NNT: variants seen among roughly 807,000 people sequenced by gnomAD.
NNT encodes the protein NAD(P) transhydrogenase, mitochondrial.
In NNT, 50 loss-of-function variants were observed where a neutral mutation model predicts 104.8. The observed-to-expected ratio is 0.48, with a 90% CI of 0.38 to 0.60. NNT has a LOEUF of 0.60. NNT is among the 20% of genes least tolerant of loss of function. The pLI is 0.00. For missense variants in NNT, 1,131 were observed against 1,330.7 expected, an observed-to-expected ratio of 0.85 and a Z score of 2.33; for synonymous variants, 461 against 490.4, an observed-to-expected ratio of 0.94 and a Z score of 0.79.
In NNT at chr5:43,647,976, G is replaced by A. The variant is rs1018317486; in HGVS notation, c.1445-1171G>A. 7 of 547,474 alleles carry A rather than the reference G, an allele frequency of 1.3e-5. No homozygotes were observed. The African/African-American group carries it at 1.4e-4, about 11-fold the overall frequency. The allele number at this position is 547,474 out of a possible 1,614,324, so 33.9% of individuals were successfully genotyped here. On this transcript the variant is annotated intron_variant, in intron 10 of 21. Transcript: ENST00000344920. ...ACCTATGAAGACACTGAAGCACAGA[G>A]AGGTTAAGTAACTTGCCTGAGATGA...
At chr5:43,676,724 A>G (rs754401392) in intron 18 of NNT, among the ~76,000 whole-genome samples, 2 of 152,216 alleles carry the variant, frequency 1.3e-5, no homozygotes, top group Non-Finnish European at 2.9e-5. Context: ...GGCACTTTCC[A>G]TCTAGTGATT....
intron 16 of NNT, among the ~76,000 whole-genome samples, chr5:43,658,115 AC>A (rs1026686512): frequency 3.8e-4 from 58 of 152,324 alleles, no homozygotes; most frequent in African/African-American, 1.4e-3. Context: ...AGCCTGGGTG[AC>A]AAAGCAAGAC....
At chr5:43,660,630 C>T (rs2111974280) in intron 17 of NNT, among the ~76,000 whole-genome samples, 1 of 152,282 alleles carries the variant, frequency 6.6e-6, no homozygotes, top group African/African-American at 2.4e-5. Flanking sequence ...GCTCCACAGG[C>T]TTAACAGGAA....
In NNT at chr5:43,613,027, G is replaced by T. The variant is rs376701705; in HGVS notation, c.271G>T (p.Val91Leu). Reference sequence around the variant, plus strand: ...GGTCAAGCAGGGTTTTAATGTTGTCGTGGAATCGGGTGCGGGCGAAGCTTC... The same window carrying T: ...GGTCAAGCAGGGTTTTAATGTTGTCTTGGAATCGGGTGCGGGCGAAGCTTC... ...NLVKQGFNVVVESGAGEASKF... is the reference protein window; with the variant it reads ...NLVKQGFNVVLESGAGEASKF... The change falls in exon 3 of 22, where the codon GTG becomes TTG. Residue 91 changes from valine to leucine, a missense_variant. By Grantham distance (32) the Val-to-Leu change is conservative (BLOSUM62 1). Transcript: ENST00000344920. 6.2e-7 allele frequency: 1 copy of T among 1,614,114 alleles called. No homozygotes were observed. The highest frequency in any genetic ancestry group is 8.5e-7 in the Non-Finnish European group (1 of 1,180,014).
chr5:43,609,430 A>G, intron 2 of NNT, 84 bp downstream of exon 2: 1 of 1,300,800 alleles, frequency 7.7e-7, no homozygotes, highest in Admixed American at 2.0e-5. Context: ...AGGAAAAGCC[A>G]TGTAGTTTTA....
In NNT at chr5:43,609,169, G is replaced by C. The variant is rs530245543; in HGVS notation, c.-27G>C. On this transcript the variant is annotated 5_prime_UTR_variant, in exon 2 of 22. Transcript: ENST00000344920. The stretch of plus-strand genomic sequence containing the variant: ...GATTTGCCTTCAAGGAAACTGGGGA[G>C]TCAGAAAATTGGGAACTCATATCAA... 2 of 1,588,056 alleles carry C rather than the reference G, an allele frequency of 1.3e-6. No homozygotes were observed. Among genetic ancestry groups the C allele is most frequent in the East Asian group, 2.2e-5 (1 of 44,524 alleles).
rs553175378 is a variant in NNT at position 43,667,958 on chromosome 5, A to G, written c.2635-7553A>G. On this transcript the variant is annotated intron_variant, in intron 17 of 21. Coordinates refer to ENST00000344920, the MANE Select transcript of NNT (RefSeq NM_182977.3). ...GTTTCCTGACTTTTTACTGATCGCC[A>G]TTCTAACTGGTGTGAGATGGTATCT... 1.8e-3 allele frequency among the ~76,000 whole-genome samples: 281 copies of G among 152,316 alleles called. 2 individuals are homozygous for G. Among genetic ancestry groups the G allele is most frequent in the African/African-American group, 6.5e-3 (271 of 41,558 alleles).
intron 19 of NNT, among the ~76,000 whole-genome samples, chr5:43,678,811 CAG>C (rs1741556221): frequency 6.6e-6 from 1 of 152,174 alleles, no homozygotes; most frequent in Admixed American, 6.5e-5. Context: ...ATGATGAAAT[CAG>C]GGGGCTACCT....
chr5:43,618,862 G>A (rs1749921808), intron 4 of NNT, among the ~76,000 whole-genome samples, 170 bp from the exon 5 acceptor site: 1 of 152,148 alleles, frequency 6.6e-6, no homozygotes, highest in Admixed American at 6.5e-5. Context: ...CAAATTAAAG[G>A]AGCAAGTGTA....
chr5:43,649,006 A>G, intron 10 of NNT, 141 bp from the exon 11 acceptor site: 3 of 956,654 alleles, frequency 3.1e-6, no homozygotes, highest in South Asian at 1.6e-5. Flanking sequence ...CAACTGTCAA[A>G]TGTCTAAAAA....
At chr5:43,698,798 C>T (rs895125969) in intron 19 of NNT, among the ~76,000 whole-genome samples, 3 of 151,268 alleles carry the variant, frequency 2.0e-5, no homozygotes, top group African/African-American at 4.9e-5. Flanking sequence ...GAATATATTA[C>T]TATATGAATA....
intron 20 of NNT, among the ~76,000 whole-genome samples, chr5:43,702,394 T>C (rs1005037823): frequency 2.0e-5 from 3 of 152,198 alleles, no homozygotes; most frequent in African/African-American, 7.2e-5. Flanking sequence ...CAGGCTGTAG[T>C]CAAGATAGTC....
intron 5 of NNT, among the ~76,000 whole-genome samples, chr5:43,622,310 C>T (rs1220283949): frequency 6.6e-6 from 1 of 152,186 alleles, no homozygotes; most frequent in Non-Finnish European, 1.5e-5. Flanking sequence ...TAGTTACTGC[C>T]TTTACTCAGA....
In NNT at chr5:43,700,206, G is replaced by A. The variant is rs1742776548; in HGVS notation, c.2964G>A (p.Leu988=). The A allele has an allele frequency of 1.2e-6, 2 of 1,613,182 alleles. No homozygotes were observed. The highest frequency in any genetic ancestry group is 2.2e-5 in the South Asian group (2 of 90,946). The change falls in exon 20 of 22, where the codon TTG becomes TTA. Residue 988 remains leucine, a synonymous_variant. Transcript: ENST00000344920. Reference sequence around the variant, plus strand: ...CTGGTGTGCCATATGACATTGTGTTGGAAATGGATGAGATCAACCATGATT... The same window carrying A: ...CTGGTGTGCCATATGACATTGTGTTAGAAATGGATGAGATCAACCATGATT... ...AEAGVPYDIV[L]EMDEINHDFP...
intron 19 of NNT, among the ~76,000 whole-genome samples, chr5:43,692,532 C>G (rs1195450770): frequency 6.6e-6 from 1 of 152,194 alleles, no homozygotes; most frequent in Non-Finnish European, 1.5e-5. Context: ...CCATGTTGGC[C>G]AGGCTGGTCT....
intron 19 of NNT, among the ~76,000 whole-genome samples, chr5:43,687,507 T>A (rs1742047946): frequency 2.0e-5 from 3 of 152,174 alleles, no homozygotes; most frequent in Admixed American, 2.0e-4. Flanking sequence ...ATTAGCCTGT[T>A]ACATTGTGCC....
At chr5:43,660,860 G>T (rs746873796) in intron 17 of NNT, among the ~76,000 whole-genome samples, 105 of 152,112 alleles carry the variant, frequency 6.9e-4, no homozygotes, top group Admixed American at 1.1e-3. Flanking sequence ...TGGCATGTGG[G>T]GATTACAATT....
At chr5:43,659,111 A>T in intron 16 of NNT, 60 bp from the exon 17 acceptor site, 1 of 1,454,694 alleles carries the variant, frequency 6.9e-7, no homozygotes, top group Non-Finnish European at 9.2e-7. Flanking sequence ...AAAATGTTAA[A>T]TGTCAGAGGT....
intron 4 of NNT, among the ~76,000 whole-genome samples, chr5:43,616,863 T>TAATTA (rs1451929124): frequency 6.6e-6 from 1 of 152,160 alleles, no homozygotes; most frequent in Non-Finnish European, 1.5e-5. Flanking sequence ...TCTAAGAAAC[T>TAATTA]AATTAAATTA....
Sources: allele counts gnomAD v4.1 joint callset (sites outside exome capture counted in the v4.1 genomes callset), GRCh38; gene constraint gnomAD v4.1.1; transcripts MANE v1.5; gene names NCBI Gene and HGNC (gene_info 2026-07-23, HGNC 2026-07-21).